The following DLG2 variants were observed in gnomAD, a reference collection of about 807,000 sequenced individuals.
DLG2 encodes the protein disks large homolog 2.
A neutral mutation model predicts 132.5 loss-of-function variants in DLG2; 45 were observed. The ratio of observed to expected loss-of-function variants is 0.34; its 90% CI spans 0.27 to 0.44. DLG2 has a LOEUF of 0.44. DLG2 is among the 20% of genes least tolerant of loss of function. The pLI, the probability that DLG2 is intolerant of heterozygous loss-of-function variation, is 1.00. For missense variants in DLG2, 1,045 were observed against 1,196.9 expected, an observed-to-expected ratio of 0.87 and a Z score of 1.87; for synonymous variants, 424 against 419.6, an observed-to-expected ratio of 1.01 and a Z score of -0.13.
intron 7 of DLG2, among the ~76,000 whole-genome samples, chr11:84,305,580 G>A (rs1005090020): frequency 2.0e-5 from 3 of 152,150 alleles, no homozygotes; most frequent in Non-Finnish European, 4.4e-5. Context: ...ATGCCAGTAA[G>A]AGAGTCATCT....
Position 83,886,072 on chromosome 11 carries a change from T to C in DLG2, c.1497-11584A>G, listed in dbSNP as rs750738019. Among the ~76,000 whole-genome samples the C allele has an allele frequency of 4.6e-5, 7 of 152,156 alleles. No individual in the cohort carries two copies. In the South Asian group the frequency reaches 8.3e-4, roughly 18 times the overall value. On this transcript the variant is annotated intron_variant, in intron 15 of 27. Coordinates refer to ENST00000376104, the MANE Select transcript of DLG2 (RefSeq NM_001142699.3). ...CCAAAATAACCAGCTAACATCATAATGACAGGATCAAATTCACACATAACA... is the reference window on the plus strand; with the variant it reads ...CCAAAATAACCAGCTAACATCATAACGACAGGATCAAATTCACACATAACA...
chr11:83,551,299 T>C (rs1377469797), intron 19 of DLG2, among the ~76,000 whole-genome samples: 1 of 152,178 alleles, frequency 6.6e-6, no homozygotes, highest in Non-Finnish European at 1.5e-5. Flanking sequence ...CTCACTGGAA[T>C]ATAAACAACT....
intron 6 of DLG2, among the ~76,000 whole-genome samples, chr11:84,690,789 T>A (rs2057941459): frequency 6.6e-6 from 1 of 151,922 alleles, no homozygotes; most frequent in Non-Finnish European, 1.5e-5. Context: ...ACATACTTAA[T>A]AACAGGCAGA....
intron 7 of DLG2, among the ~76,000 whole-genome samples, chr11:84,371,979 G>A (rs913183421): frequency 6.6e-6 from 1 of 152,082 alleles, no homozygotes; most frequent in Non-Finnish European, 1.5e-5. Flanking sequence ...TTAAAAAATT[G>A]CATGTTCAGA....
intron 8 of DLG2, among the ~76,000 whole-genome samples, chr11:84,244,161 C>T (rs1207581347): frequency 3.9e-5 from 6 of 152,108 alleles, no homozygotes; most frequent in Non-Finnish European, 8.8e-5. Flanking sequence ...GCATCCCAGA[C>T]CTAGTGAATC....
At chr11:84,146,271 G>C (rs1039782631) in intron 9 of DLG2, among the ~76,000 whole-genome samples, 15 of 152,222 alleles carry the variant, frequency 9.9e-5, no homozygotes, top group African/African-American at 3.1e-4. Flanking sequence ...ACTCCATGGT[G>C]AAAGACATGA....
chr11:85,426,895 T>C (rs1050620483), intron 3 of DLG2, among the ~76,000 whole-genome samples: 1 of 151,858 alleles, frequency 6.6e-6, no homozygotes, highest in African/African-American at 2.4e-5. Context: ...ATTAGACGAA[T>C]GGCTAACTAG....
intron 15 of DLG2, among the ~76,000 whole-genome samples, chr11:83,900,462 AC>A (rs2073106520): frequency 6.6e-6 from 1 of 152,012 alleles, no homozygotes; most frequent in South Asian, 2.1e-4. Flanking sequence ...GTCCCAGGGT[AC>A]CTCTGGTGTA....
At chr11:83,615,772 G>T (rs1027162388) in intron 19 of DLG2, among the ~76,000 whole-genome samples, 10 of 152,194 alleles carry the variant, frequency 6.6e-5, no homozygotes, top group Non-Finnish European at 1.0e-4. Context: ...TAGGCTGACA[G>T]GAGCAAGATA....
intron 6 of DLG2, among the ~76,000 whole-genome samples, chr11:84,760,529 T>C (rs2067472359): frequency 6.6e-6 from 1 of 152,244 alleles, no homozygotes; most frequent in African/African-American, 2.4e-5. Context: ...CTGCTTCTAA[T>C]TGTGATGTGA....
At chr11:84,745,590 C>G (rs2065259148) in intron 6 of DLG2, among the ~76,000 whole-genome samples, 1 of 152,112 alleles carries the variant, frequency 6.6e-6, no homozygotes, top group Non-Finnish European at 1.5e-5. Flanking sequence ...GGCCTAATAA[C>G]AGTTCATATT....
intron 6 of DLG2, among the ~76,000 whole-genome samples, chr11:84,672,242 A>G (rs1246457684): frequency 2.6e-5 from 4 of 152,116 alleles, no homozygotes; most frequent in Non-Finnish European, 5.9e-5. Context: ...CCTTCAGAAG[A>G]ACAGAAAGCT....
intron 2 of DLG2, among the ~76,000 whole-genome samples, chr11:85,618,465 A>T (rs1224525925): frequency 1.3e-5 from 2 of 152,246 alleles, no homozygotes; most frequent in Non-Finnish European, 2.9e-5. Flanking sequence ...GAATGCCTTA[A>T]TCCAACATTT....
chr11:84,942,069 T>C (rs1354221226), intron 6 of DLG2, among the ~76,000 whole-genome samples: 1 of 152,192 alleles, frequency 6.6e-6, no homozygotes, highest in Non-Finnish European at 1.5e-5. Flanking sequence ...CTAATTAGAC[T>C]TTGAACTTCG....
chr11:84,600,565 A>G (rs756051437), intron 6 of DLG2, among the ~76,000 whole-genome samples: 5 of 152,198 alleles, frequency 3.3e-5, no homozygotes, highest in Non-Finnish European at 5.9e-5. Flanking sequence ...ATATGACTAG[A>G]ATCTATCTGC....
At chr11:83,690,096 T>C (rs1053124859) in intron 18 of DLG2, among the ~76,000 whole-genome samples, 2 of 148,934 alleles carry the variant, frequency 1.3e-5, no homozygotes, top group African/African-American at 2.4e-5. Flanking sequence ...TGTATTACTG[T>C]GTCACAGTGT....
chr11:85,043,405 TA>T (rs1467941996), intron 6 of DLG2, among the ~76,000 whole-genome samples: 9 of 151,930 alleles, frequency 5.9e-5, no homozygotes, highest in Non-Finnish European at 1.2e-4. Context: ...AAATAAATAA[TA>T]AAATAGATGA....
chr11:85,628,343 G>A (rs1010733535), upstream of DLG2, among the ~76,000 whole-genome samples: 2 of 152,330 alleles, frequency 1.3e-5, no homozygotes, highest in African/African-American at 4.8e-5. Context: ...AGATCAGGGA[G>A]CTAAGCTGAT....
At chr11:83,503,414 T>G (rs55756287) in intron 21 of DLG2, among the ~76,000 whole-genome samples, 36 of 47,916 alleles carry the variant, frequency 7.5e-4, no homozygotes, top group Non-Finnish European at 8.8e-4. Context: ...TATATATATA[T>G]ATATATATAG....
Sources: gnomAD v4.1 joint callset for allele counts (sites outside exome capture counted in the v4.1 genomes callset) on GRCh38, gnomAD v4.1.1 for gene constraint, MANE v1.5 for transcripts, NCBI Gene and HGNC (gene_info 2026-07-23, HGNC 2026-07-21) for gene names.